Variants in LCA5L observed in about 807,000 individuals in gnomAD.
The protein encoded by LCA5L is lebercilin LCA5 like.
In LCA5L, 35 loss-of-function variants were observed where a neutral mutation model predicts 45.4. The observed-to-expected ratio is 0.77, with a 90% CI of 0.59 to 1.02. The LOEUF is 1.02. Ranked by LOEUF, LCA5L falls within the 50% of genes least tolerant of loss-of-function variation. LCA5L has a pLI of 0.00. For missense variants in LCA5L, 668 were observed against 761.6 expected (o/e 0.88, Z 1.45); for synonymous variants, 233 against 264.7 (o/e 0.88, Z 1.16).
At chr21:39,419,690 C>G (rs539754591) in intron 7 of LCA5L, among the ~76,000 whole-genome samples, 9 of 151,912 alleles carry the variant, frequency 5.9e-5, no homozygotes, top group Non-Finnish European at 8.8e-5. Flanking sequence ...GATTAGTGCC[C>G]TTGTAAAAGA....
intron 7 of LCA5L, among the ~76,000 whole-genome samples, chr21:39,419,361 C>T (rs1173925085): frequency 6.6e-6 from 1 of 151,618 alleles, no homozygotes; most frequent in Non-Finnish European, 1.5e-5. Context: ...CCCGTCTCTA[C>T]AAAAATTTTA....
rs1332255807 is a variant in LCA5L at position 39,409,030 on chromosome 21, G to A, written c.1282+949C>T. 1.3e-5 allele frequency among the ~76,000 whole-genome samples: 2 copies of A among 152,166 alleles called. No individual in the cohort carries two copies. The highest frequency in any genetic ancestry group is 2.9e-5 in the Non-Finnish European group (2 of 68,036). On this transcript the variant is annotated intron_variant, in intron 10 of 10. Transcript: ENST00000288350. The surrounding 1 kb of genome is among the most constrained non-coding windows in gnomAD (Gnocchi z 4.2). ...CTCCCAAATTTCATATGTTGAAGCC[G>A]TAACCCCCAGTATGGCTATATTTGG...
chr21:39,415,461 C>T (rs1455667671), intron 7 of LCA5L, among the ~76,000 whole-genome samples: 1 of 152,178 alleles, frequency 6.6e-6, no homozygotes, highest in South Asian at 2.1e-4. Context: ...TGCTGTTTCC[C>T]ACTCTCTCTG....
intron 7 of LCA5L, among the ~76,000 whole-genome samples, chr21:39,412,139 T>C (rs766377993): frequency 2.6e-5 from 4 of 152,214 alleles, no homozygotes; most frequent in African/African-American, 4.8e-5. Context: ...ATGTTGTGAT[T>C]TCATTTAAAT....
chr21:39,439,522 A>G (rs2076606788), intron 2 of LCA5L: 5 of 152,272 alleles, frequency 3.3e-5, no homozygotes, highest in Admixed American at 3.3e-4. Context: ...ATAAATTTCA[A>G]GAAGTCAGAG....
chr21:39,422,935 A>G (rs2074013941), intron 6 of LCA5L, 41 bp downstream of exon 6: 6 of 1,580,486 alleles, frequency 3.8e-6, no homozygotes, highest in Non-Finnish European at 4.3e-6. Flanking sequence ...CTCTCTATTA[A>G]CTTTGGAATC....
At chr21:39,419,156 C>T (rs1356488782) in intron 7 of LCA5L, among the ~76,000 whole-genome samples, 2 of 152,086 alleles carry the variant, frequency 1.3e-5, no homozygotes, top group Non-Finnish European at 2.9e-5. Flanking sequence ...ACTCCTCACC[C>T]CCCACTATTC....
chr21:39,432,188 C>T (rs1057117118), intron 3 of LCA5L, among the ~76,000 whole-genome samples: 1 of 152,282 alleles, frequency 6.6e-6, no homozygotes, highest in Non-Finnish European at 1.5e-5. Context: ...GTGTTTATCA[C>T]AGCTTATTAA....
intron 3 of LCA5L, among the ~76,000 whole-genome samples, chr21:39,435,162 C>G (rs1002333139): frequency 6.6e-6 from 1 of 152,134 alleles, no homozygotes; most frequent in Admixed American, 6.5e-5. Context: ...AAACACTATT[C>G]TAATGGAAAA....
Position 39,409,205 on chromosome 21 carries a change from A to G in LCA5L, c.1282+774T>C, listed in dbSNP as rs905060758. On this transcript the variant is annotated intron_variant, in intron 10 of 10. Coordinates refer to ENST00000288350, the MANE Select transcript of LCA5L (RefSeq NM_152505.4). This position sits in a 1 kb window ranked among gnomAD's most constrained non-coding sequence, Gnocchi z 4.2. ...CGTGCGAGCACTAAGGAAACGCCAC[A>G]TGAAGACATAGTGAGAAGCGGGACA... is the stretch of plus-strand genomic sequence containing the variant. Among the ~76,000 whole-genome samples, 3 of 152,196 alleles carry G rather than the reference A, an allele frequency of 2.0e-5. No homozygotes were observed. Among genetic ancestry groups the G allele is most frequent in the Non-Finnish European group, 2.9e-5 (2 of 68,028 alleles).
intron 7 of LCA5L, among the ~76,000 whole-genome samples, chr21:39,417,449 T>G (rs58265345): frequency 0.32 from 49,250 of 152,154 alleles, 8,908 homozygotes; most frequent in African/African-American, 0.49. Context: ...CCTTCTACTC[T>G]ATTCTCTCTT....
Position 39,410,044 on chromosome 21 carries a change from T to G in LCA5L, c.1217A>C (p.Asn406Thr). The G allele has an allele frequency of 1.2e-6, 2 of 1,610,956 alleles. No homozygotes were observed. Among genetic ancestry groups the G allele is most frequent in the Non-Finnish European group, 1.7e-6 (2 of 1,177,674 alleles). Residue 406 changes from asparagine to threonine, a missense_variant, in exon 10 of 11, where the codon AAT becomes ACT. By Grantham distance (65) the Asn-to-Thr change is moderately conservative. Transcript: ENST00000288350. The stretch of plus-strand genomic sequence containing the variant: ...ATTCACACAGTGAGGAATTTCATGA[T>G]TTATTTCAGTTGATTTTTCTTTATG... The part of the protein sequence containing the change: ...IDHKEKSTEI[N>T]HEIPHCVNKL...
chr21:39,419,751 T>A lies in LCA5L; in HGVS notation c.975+955A>T, dbSNP rs188199401. Among the ~76,000 whole-genome samples the A allele has an allele frequency of 2.8e-3, 426 of 152,150 alleles. 4 individuals are homozygous for A. Among genetic ancestry groups the A allele is most frequent in the African/African-American group, 9.7e-3 (401 of 41,524 alleles). ...TCCTTAAAAATAAAAAAGTTAAAGA[T>A]CCTTGTCTTAAAGAATCAAGCTTAA... On this transcript the variant is annotated intron_variant, in intron 7 of 10. Coordinates refer to ENST00000288350, the MANE Select transcript of LCA5L (RefSeq NM_152505.4).
chr21:39,411,207 G>A (rs939377643), intron 8 of LCA5L: 7 of 260,222 alleles, frequency 2.7e-5, no homozygotes, highest in African/African-American at 1.1e-4. Context: ...TGGTTGCCTC[G>A]GGTGAGGTAG....
chr21:39,436,350 T>C (rs1182288564), intron 2 of LCA5L, among the ~76,000 whole-genome samples: 1 of 152,200 alleles, frequency 6.6e-6, no homozygotes, highest in Non-Finnish European at 1.5e-5. Context: ...TCCTAATTCT[T>C]AAAAGTAAAT....
At chr21:39,411,009 C>T in intron 8 of LCA5L, 1 of 452,866 alleles carries the variant, frequency 2.2e-6, no homozygotes, top group Non-Finnish European at 4.5e-6. Context: ...AGTGCACGTG[C>T]TCTTGAAGAA....
intron 7 of LCA5L, chr21:39,413,772 T>A (rs1569074009): frequency 6.6e-6 from 1 of 152,222 alleles, no homozygotes; most frequent in African/African-American, 2.4e-5. Context: ...GAATGAGTTT[T>A]CATCCACACT....
At chr21:39,440,204 T>C (rs904311870) in intron 2 of LCA5L, among the ~76,000 whole-genome samples, 11 of 152,146 alleles carry the variant, frequency 7.2e-5, no homozygotes, top group Admixed American at 7.2e-4. Context: ...TCTGCTATAA[T>C]GAATTGGGGT....
chr21:39,418,791 T>C (rs1309186416), intron 7 of LCA5L, among the ~76,000 whole-genome samples: 1 of 152,140 alleles, frequency 6.6e-6, no homozygotes, highest in Non-Finnish European at 1.5e-5. Flanking sequence ...TGAGCCACCA[T>C]GCCTGGCCAG....
Sources: gnomAD v4.1 joint callset for allele counts (sites outside exome capture counted in the v4.1 genomes callset) on GRCh38, gnomAD v4.1.1 for gene constraint, Gnocchi (gnomAD v3.1) non-coding constraint, MANE v1.5 for transcripts, NCBI Gene and HGNC (gene_info 2026-07-23, HGNC 2026-07-21) for gene names.